ADAM2: variants seen among roughly 807,000 people sequenced by gnomAD.
ADAM2 encodes ADAM metallopeptidase domain 2, also known as disintegrin and metalloproteinase domain-containing protein 2.
In ADAM2, 101 loss-of-function variants were observed where a neutral mutation model predicts 99.3. The observed-to-expected ratio is 1.02, with a 90% CI of 0.87 to 1.20. ADAM2 has a LOEUF of 1.20. ADAM2 is among the 50% of genes most tolerant of loss of function. The pLI, the probability that ADAM2 is intolerant of heterozygous loss-of-function variation, is 0.00. For missense variants in ADAM2, 948 were observed against 878.7 expected (o/e 1.08, Z -1.00); for synonymous variants, 323 against 287.6 (o/e 1.12, Z -1.25).
chr8:39,760,423 C>G (rs1802302866), intron 15 of ADAM2, among the ~76,000 whole-genome samples: 1 of 152,120 alleles, frequency 6.6e-6, no homozygotes, highest in Admixed American at 6.5e-5. Context: ...AGCACATGTT[C>G]TTAAATACCA....
intron 7 of ADAM2, among the ~76,000 whole-genome samples, chr8:39,794,139 A>G (rs777567970): frequency 6.6e-6 from 1 of 152,248 alleles, no homozygotes; most frequent in Non-Finnish European, 1.5e-5. Flanking sequence ...AAAATTTTAG[A>G]CTAAAAACTG....
intron 11 of ADAM2, among the ~76,000 whole-genome samples, chr8:39,776,232 A>G: frequency 6.6e-6 from 1 of 152,048 alleles, no homozygotes; most frequent in East Asian, 1.9e-4. Flanking sequence ...TTCTAAAGCC[A>G]CTCTGGGGTA....
intron 4 of ADAM2, 42 bp from the exon 5 acceptor site, chr8:39,821,704 G>A: frequency 7.5e-7 from 1 of 1,335,178 alleles, no homozygotes; most frequent in South Asian, 1.2e-5. Context: ...AATGGTTTGT[G>A]TTACAGATAC....
intron 11 of ADAM2, 71 bp from the exon 12 acceptor site, chr8:39,769,646 A>G (rs542547092): frequency 3.0e-6 from 3 of 1,012,884 alleles, no homozygotes; most frequent in Admixed American, 4.5e-5. Flanking sequence ...GAATAAACCT[A>G]TACAACAGCA....
At chr8:39,746,076 A>G (rs1823435141) in intron 19 of ADAM2, among the ~76,000 whole-genome samples, 1 of 152,212 alleles carries the variant, frequency 6.6e-6, no homozygotes, top group Non-Finnish European at 1.5e-5. Flanking sequence ...CCTAGGCTAG[A>G]GTGCAGTGGC....
intron 3 of ADAM2, among the ~76,000 whole-genome samples, chr8:39,827,142 T>G (rs1227749486): frequency 6.6e-6 from 1 of 152,138 alleles, no homozygotes; most frequent in African/African-American, 2.4e-5. Context: ...CTTCTCATTC[T>G]CACTAATCAT....
In ADAM2 at chr8:39,769,576, C is replaced by A. The variant is rs752427471; in HGVS notation, c.1029-1G>T. On this transcript the variant is annotated splice_acceptor_variant, in intron 11 of 20. Coordinates refer to ENST00000265708, the MANE Select transcript of ADAM2 (RefSeq NM_001464.5). LOFTEE classifies it high-confidence loss of function. ...AAAGATCTTCACACCACTGAAATGACTAAAGACACATCAAACGTCAAATTT... is the reference window on the plus strand; with the variant it reads ...AAAGATCTTCACACCACTGAAATGAATAAAGACACATCAAACGTCAAATTT... The A allele has an allele frequency of 2.5e-6, 4 of 1,607,540 alleles. No individual in the cohort carries two copies. The South Asian group carries it at 4.4e-5, about 18-fold the overall frequency.
rs560795769 is a variant in ADAM2, at chr8:39,800,384, T to C, written c.570+9026A>G. Among the ~76,000 whole-genome samples, 19 of 152,332 alleles carry C rather than the reference T, an allele frequency of 1.2e-4. No homozygotes were observed. The East Asian group carries it at 3.7e-3, about 29-fold the overall frequency. ...TTCTTCTGGCTTGTAGAGTTTCTGCTGAGAGGTCTGCTGTTAGTCTGATGG... is the reference window on the plus strand; with the variant it reads ...TTCTTCTGGCTTGTAGAGTTTCTGCCGAGAGGTCTGCTGTTAGTCTGATGG... On this transcript the variant is annotated intron_variant, in intron 7 of 20. Coordinates refer to ENST00000265708, the MANE Select transcript of ADAM2 (RefSeq NM_001464.5).
At chr8:39,769,139 C>A (rs1489292072) in intron 12 of ADAM2, among the ~76,000 whole-genome samples, 1 of 151,970 alleles carries the variant, frequency 6.6e-6, no homozygotes, top group African/African-American at 2.4e-5. Context: ...TCAGCTATAC[C>A]TCAAGAAAGC....
intron 10 of ADAM2, among the ~76,000 whole-genome samples, chr8:39,778,765 C>T (rs962233530): frequency 8.6e-5 from 13 of 151,974 alleles, no homozygotes; most frequent in Non-Finnish European, 1.8e-4. Context: ...AATGATTCTA[C>T]AGGGAATAAA....
rs756301016 is a variant in ADAM2, at chr8:39,750,993, TTATAA to T, written c.1798-1254_1798-1250del. Among the ~76,000 whole-genome samples the T allele has an allele frequency of 1.3e-3, 192 of 152,312 alleles. 1 individual carries two copies. The highest frequency in any genetic ancestry group is 2.0e-3 in the Non-Finnish European group (139 of 68,004). ...GCAATATTTTGGGAGATTTTTCCTCTTATAATATAGGATCATAACACACTAACTTT... is the reference window on the plus strand; with the variant it reads ...GCAATATTTTGGGAGATTTTTCCTCTTATAGGATCATAACACACTAACTTT... On this transcript the variant is annotated intron_variant, in intron 16 of 20. Coordinates refer to ENST00000265708, the MANE Select transcript of ADAM2 (RefSeq NM_001464.5).
intron 3 of ADAM2, among the ~76,000 whole-genome samples, chr8:39,829,140 A>G (rs1214276307): frequency 1.3e-5 from 2 of 151,930 alleles, no homozygotes; most frequent in Non-Finnish European, 2.9e-5. Flanking sequence ...TTCAACAAAG[A>G]CCTGAATGGG....
intron 15 of ADAM2, among the ~76,000 whole-genome samples, chr8:39,760,571 A>G (rs1802312591): frequency 6.6e-6 from 1 of 152,004 alleles, no homozygotes; most frequent in African/African-American, 2.4e-5. Flanking sequence ...AACACAAAAA[A>G]TTAGACGGGC....
intron 8 of ADAM2, among the ~76,000 whole-genome samples, 200 bp downstream of exon 8, chr8:39,788,469 T>C (rs960561122): frequency 3.3e-5 from 5 of 151,818 alleles, no homozygotes; most frequent in Non-Finnish European, 7.4e-5. Context: ...CCATACCCCA[T>C]GCTTTATATA....
intron 11 of ADAM2, among the ~76,000 whole-genome samples, chr8:39,774,306 C>T (rs755904381): frequency 4.6e-5 from 7 of 151,564 alleles, no homozygotes; most frequent in African/African-American, 7.3e-5. Flanking sequence ...TACTCGAGGC[C>T]CTAAGCACTG....
intron 4 of ADAM2, among the ~76,000 whole-genome samples, chr8:39,823,195 T>C (rs1805268149): frequency 1.3e-5 from 2 of 152,232 alleles, no homozygotes; most frequent in Non-Finnish European, 2.9e-5. Context: ...ATGAATGGCT[T>C]ACACTTGTCC....
intron 10 of ADAM2, among the ~76,000 whole-genome samples, chr8:39,778,269 T>A (rs1803079411): frequency 6.6e-6 from 1 of 151,960 alleles, no homozygotes; most frequent in African/African-American, 2.4e-5. Flanking sequence ...CCTCTCTAAG[T>A]CAGTTTTCCA....
At chr8:39,834,425 G>A (rs959494476) in intron 2 of ADAM2, among the ~76,000 whole-genome samples, 2 of 151,668 alleles carry the variant, frequency 1.3e-5, no homozygotes, top group Admixed American at 1.3e-4. Context: ...GTACTATGTT[G>A]AGAGTGGGAA....
chr8:39,825,939 G>C (rs1022477849), intron 3 of ADAM2, among the ~76,000 whole-genome samples: 2 of 152,148 alleles, frequency 1.3e-5, no homozygotes, highest in African/African-American at 2.4e-5. Flanking sequence ...TTAGAATTTT[G>C]AGAGGGTTTG....
Sources: allele counts gnomAD v4.1 joint callset (sites outside exome capture counted in the v4.1 genomes callset), GRCh38; gene constraint gnomAD v4.1.1; transcripts MANE v1.5; gene names NCBI Gene and HGNC (gene_info 2026-07-23, HGNC 2026-07-21).